GABRA6: variants seen among roughly 807,000 people sequenced by gnomAD.
GABRA6 encodes the protein gamma-aminobutyric acid type A receptor subunit alpha6, also known as gamma-aminobutyric acid receptor subunit alpha-6.
A neutral mutation model predicts 47.3 loss-of-function variants in GABRA6; 45 were observed. The ratio of observed to expected loss-of-function variants is 0.95; its 90% CI spans 0.75 to 1.22. GABRA6 has a LOEUF of 1.22. Ranked by LOEUF, GABRA6 falls within the 50% of genes most tolerant of loss-of-function variation. GABRA6 has a pLI of 0.00. For synonymous variants in GABRA6, 219 were observed against 194.7 expected, an observed-to-expected ratio of 1.12 and a Z score of -1.04; for missense variants, 583 against 549.3, an observed-to-expected ratio of 1.06 and a Z score of -0.61.
intron 8 of GABRA6, among the ~76,000 whole-genome samples, chr5:161,695,785 T>C (rs1452740843): frequency 6.6e-6 from 1 of 152,230 alleles, no homozygotes; most frequent in East Asian, 1.9e-4. Context: ...TATATTTATG[T>C]TGATTGCATT....
In GABRA6 at chr5:161,685,758, AG is replaced by A; in HGVS notation, c.-231del. ...CTGGGTGTCTGCAGGACATAATCTA[AG>A]ACCACAAACCACCTTGTTCCACGTG... On this transcript the variant is annotated 5_prime_UTR_variant, in exon 1 of 9. Transcript: ENST00000274545. 1.7e-6 allele frequency: 1 copy of A among 597,304 alleles called. No homozygotes were observed. Among genetic ancestry groups the A allele is most frequent in the Non-Finnish European group, 3.0e-6 (1 of 335,764 alleles). 37.0% of individuals were successfully genotyped at this position (597,304 alleles called of 1,614,324 possible).
In GABRA6 at chr5:161,701,953, T is replaced by C; in HGVS notation, c.*180T>C. 1 of 644,522 alleles carries C rather than the reference T, an allele frequency of 1.6e-6. No homozygotes were observed. The highest frequency in any genetic ancestry group is 2.6e-6 in the Non-Finnish European group (1 of 377,806). 39.9% of individuals were successfully genotyped at this position (644,522 alleles called of 1,614,324 possible). A position where few individuals can be genotyped will look rare whatever the true frequency, so the allele number is the denominator to read the frequency against. ...AAAGCAATAATCCTACTCCTCAAAA[T>C]AGAAAGTTGAAGATTGCTGAAAAAT... On this transcript the variant is annotated 3_prime_UTR_variant, in exon 9 of 9. Transcript: ENST00000274545.
intron 8 of GABRA6, among the ~76,000 whole-genome samples, chr5:161,698,954 T>C (rs1754930167): frequency 6.6e-6 from 1 of 152,210 alleles, no homozygotes. Flanking sequence ...TTCTGAATGG[T>C]ACTTCTGACT....
rs773012740 is a variant in GABRA6 at position 161,685,950 on chromosome 5, A to G, written c.-40A>G. Reference sequence around the variant, plus strand: ...GAAGAGCTGGCTAGCAGGGAGGACGACCCTAGGAGGGTGAATTCTGCATTT... The same window carrying G: ...GAAGAGCTGGCTAGCAGGGAGGACGGCCCTAGGAGGGTGAATTCTGCATTT... On this transcript the variant is annotated 5_prime_UTR_variant, in exon 1 of 9. Coordinates refer to ENST00000274545, the MANE Select transcript of GABRA6 (RefSeq NM_000811.3). The G allele has an allele frequency of 2.5e-6, 4 of 1,591,634 alleles. No homozygotes were observed. Among genetic ancestry groups the G allele is most frequent in the East Asian group, 2.2e-5 (1 of 44,780 alleles).
In GABRA6 at chr5:161,689,307, G is replaced by A; in HGVS notation, c.500G>A (p.Gly167Glu). The change falls in exon 5 of 9, where the codon GGG (glycine) becomes GAG (glutamate). Residue 167 changes from glycine to glutamate, a missense_variant. Gly to Glu is a moderately conservative substitution (Grantham distance 98, BLOSUM62 -2). Coordinates refer to ENST00000274545, the MANE Select transcript of GABRA6 (RefSeq NM_000811.3). ...PMRLVNFPMD[G>E]HACPLKFGSY... ...AGGCTGGTTAACTTTCCTATGGATG[G>A]GCATGCTTGTCCACTCAAGTTTGGG... 1 of 1,613,918 alleles carries A rather than the reference G, an allele frequency of 6.2e-7. No individual in the cohort carries two copies. Among genetic ancestry groups the A allele is most frequent in the Non-Finnish European group, 8.5e-7 (1 of 1,179,924 alleles).
At chr5:161,687,291 T>C in intron 3 of GABRA6, 1 of 439,906 alleles carries the variant, frequency 2.3e-6, no homozygotes, top group Non-Finnish European at 4.2e-6. Flanking sequence ...TTTTCCCCTT[T>C]CTTTGTGAAG....
intron 8 of GABRA6, among the ~76,000 whole-genome samples, chr5:161,697,010 T>C (rs1204701607): frequency 1.3e-5 from 2 of 152,164 alleles, no homozygotes; most frequent in Admixed American, 1.3e-4. Context: ...TAAAAATCTG[T>C]CTAAATACTT....
intron 6 of GABRA6, 49 bp from the exon 7 acceptor site, chr5:161,690,152 T>C: frequency 6.4e-7 from 1 of 1,558,478 alleles, no homozygotes; most frequent in Non-Finnish European, 8.8e-7. Flanking sequence ...CTGCATTCTT[T>C]TTGCAGACTG....
chr5:161,697,885 T>G (rs1754913290), intron 8 of GABRA6, among the ~76,000 whole-genome samples: 1 of 152,210 alleles, frequency 6.6e-6, no homozygotes, highest in South Asian at 2.1e-4. Context: ...TTTGCTCATC[T>G]ATCAAATGAA....
rs1754712662 is a variant in GABRA6, at chr5:161,686,955, A to T, written c.177A>T (p.Lys59Asn). 1 of 1,613,858 alleles carries T rather than the reference A, an allele frequency of 6.2e-7. No individual in the cohort carries two copies. The highest frequency in any genetic ancestry group is 1.1e-5 in the South Asian group (1 of 91,092). Residue 59 changes from lysine to asparagine, a missense_variant, in exon 3 of 9, where the codon AAA (lysine) becomes AAT (asparagine). By Grantham distance (94) the Lys-to-Asn change is moderately conservative (BLOSUM62 0). Coordinates refer to ENST00000274545, the MANE Select transcript of GABRA6 (RefSeq NM_000811.3). ...PGFGGAVTEVKTDIYVTSFGP... is the reference protein window; with the variant it reads ...PGFGGAVTEVNTDIYVTSFGP... ...TTTCAGGTGCTGTCACTGAAGTCAA[A>T]ACAGACATTTATGTGACCAGTTTTG...
intron 8 of GABRA6, among the ~76,000 whole-genome samples, chr5:161,699,940 G>T (rs1018380230): frequency 1.3e-5 from 2 of 152,046 alleles, no homozygotes; most frequent in African/African-American, 4.8e-5. Context: ...ATTCACTGTG[G>T]TTTTTTCAAA....
In GABRA6 at chr5:161,692,074, G is replaced by C; in HGVS notation, c.960G>C (p.Glu320Asp). 6.2e-7 allele frequency: 1 copy of C among 1,614,140 alleles called. No individual in the cohort carries two copies. ...CATTCGTCTTCTCTGCGCTTATCGAGTTCGCAGCTGTCAACTACTTTACCA... is the reference window on the plus strand; with the variant it reads ...CATTCGTCTTCTCTGCGCTTATCGACTTCGCAGCTGTCAACTACTTTACCA... ...CFAFVFSALIEFAAVNYFTNL... is the reference protein window; with the variant it reads ...CFAFVFSALIDFAAVNYFTNL... The change falls in exon 8 of 9, where the codon GAG becomes GAC. Residue 320 changes from glutamate (E) to aspartate (D), a missense_variant. By Grantham distance (45) the Glu-to-Asp change is conservative. Coordinates refer to ENST00000274545, the MANE Select transcript of GABRA6 (RefSeq NM_000811.3).
At chr5:161,698,609 A>G (rs112082844) in intron 8 of GABRA6, among the ~76,000 whole-genome samples, 1 of 152,172 alleles carries the variant, frequency 6.6e-6, no homozygotes, top group African/African-American at 2.4e-5. Context: ...TAAATTCTTA[A>G]AAACATAGGA....
intron 8 of GABRA6, among the ~76,000 whole-genome samples, chr5:161,695,713 G>T (rs1396766697): frequency 3.9e-5 from 6 of 152,054 alleles, no homozygotes; most frequent in African/African-American, 1.4e-4. Flanking sequence ...ACATGGGTGT[G>T]ATGCCTTTTG....
chr5:161,696,699 G>A (rs773934702), intron 8 of GABRA6, among the ~76,000 whole-genome samples: 2 of 152,146 alleles, frequency 1.3e-5, no homozygotes, highest in African/African-American at 2.4e-5. Context: ...CCAATAAGCT[G>A]TGTGTCTGTA....
chr5:161,696,601 A>G (rs1427203960), intron 8 of GABRA6, among the ~76,000 whole-genome samples: 1 of 152,036 alleles, frequency 6.6e-6, no homozygotes, highest in Non-Finnish European at 1.5e-5. Flanking sequence ...TCCCCACCCA[A>G]TATTTTATTA....
rs1355162653 is a variant in GABRA6, at chr5:161,701,377, T to G, written c.1087-121T>G. 2.8e-6 allele frequency: 3 copies of G among 1,063,784 alleles called. No homozygotes were observed. The East Asian group carries it at 7.1e-5, about 25-fold the overall frequency. The allele number at this position is 1,063,784 out of a possible 1,614,324, so 65.9% of individuals were successfully genotyped here. ...ATACTATTAAGAATTCATTGATGTT[T>G]GACCTTACATAGAAAGTAAGTCGTC... On this transcript the variant is annotated intron_variant, in intron 8 of 8. Coordinates refer to ENST00000274545, the MANE Select transcript of GABRA6 (RefSeq NM_000811.3).
intron 8 of GABRA6, among the ~76,000 whole-genome samples, chr5:161,693,587 G>T (rs746284085): frequency 1.1e-4 from 16 of 151,954 alleles, no homozygotes; most frequent in Non-Finnish European, 2.2e-4. Flanking sequence ...GAGTTGGGAG[G>T]ATCACTTGAA....
chr5:161,691,268 GT>G (rs924604913), intron 7 of GABRA6, among the ~76,000 whole-genome samples: 5 of 121,222 alleles, frequency 4.1e-5, no homozygotes, highest in African/African-American at 6.2e-5. Context: ...TGAAATTCAA[GT>G]TTTTTTTCTT....
Sources: gnomAD v4.1 joint callset for allele counts (sites outside exome capture counted in the v4.1 genomes callset) on GRCh38, gnomAD v4.1.1 for gene constraint, MANE v1.5 for transcripts, NCBI Gene and HGNC (gene_info 2026-07-23, HGNC 2026-07-21) for gene names.